The following CDRT4 variants were observed in gnomAD, a reference collection of about 807,000 sequenced individuals.
The protein encoded by CDRT4 is CMT1A duplicated region transcript 4.
For synonymous variants in CDRT4, 64 were observed against 69.6 expected, an observed-to-expected ratio of 0.92 and a Z score of 0.40; for missense variants, 167 against 193.1, an observed-to-expected ratio of 0.87 and a Z score of 0.80.
rs1456363533 is a variant in CDRT4, at chr17:15,440,280, A to G, written c.-42T>C. The G allele has an allele frequency of 2.4e-5, 38 of 1,611,638 alleles. No homozygotes were observed. Among genetic ancestry groups the G allele is most frequent in the East Asian group, 4.5e-5 (2 of 44,862 alleles). The stretch of plus-strand genomic sequence containing the variant: ...ACTGATTTCTTAACATCACAGGTTC[A>G]GATTCCTATGGGAAAATACACTTGT... On this transcript the variant is annotated 5_prime_UTR_variant, in exon 3 of 4. An upstream open reading frame in the 5' UTR loses its in-frame stop. Transcript: ENST00000619038.
chr17:15,452,106 G>A (rs1979288585), intron 2 of CDRT4, among the ~76,000 whole-genome samples: 1 of 152,224 alleles, frequency 6.6e-6, no homozygotes, highest in South Asian at 2.1e-4. Context: ...GCCACTACTA[G>A]AGAAGGTAAA....
chr17:15,446,201 C>T (rs1202114597), intron 2 of CDRT4, among the ~76,000 whole-genome samples: 1 of 152,090 alleles, frequency 6.6e-6, no homozygotes, highest in African/African-American at 2.4e-5. Context: ...AGCACATGTG[C>T]TGACTCCCTG....
intron 1 of CDRT4, among the ~76,000 whole-genome samples, chr17:15,465,102 C>T (rs550531762): frequency 7.1e-6 from 1 of 141,688 alleles, no homozygotes; most frequent in Non-Finnish European, 1.5e-5. Context: ...AACACAGACA[C>T]ACACCAACAC....
chr17:15,443,003 G>A (rs1248599391), intron 2 of CDRT4, among the ~76,000 whole-genome samples: 3 of 152,132 alleles, frequency 2.0e-5, no homozygotes, highest in Admixed American at 6.5e-5. Context: ...GCGTTGAAGC[G>A]GCTTTCTTGT....
intron 2 of CDRT4, among the ~76,000 whole-genome samples, chr17:15,451,651 C>G (rs1373067219): frequency 6.6e-6 from 1 of 152,190 alleles, no homozygotes; most frequent in African/African-American, 2.4e-5. Flanking sequence ...ACCTCAGGGT[C>G]CTTCCCCAGC....
intron 1 of CDRT4, among the ~76,000 whole-genome samples, chr17:15,459,409 C>A (rs936561037): frequency 6.8e-6 from 1 of 147,826 alleles, no homozygotes; most frequent in Non-Finnish European, 1.5e-5. Context: ...TACAGCCAGG[C>A]TTCTCTATTG....
intron 1 of CDRT4, among the ~76,000 whole-genome samples, chr17:15,455,992 T>A (rs536273674): frequency 7.2e-4 from 110 of 152,274 alleles, no homozygotes; most frequent in Middle Eastern, 3.4e-3. Context: ...CACCAAGGGA[T>A]AACCAATAAA....
At chr17:15,466,337 C>T (rs1044105967) in intron 1 of CDRT4, among the ~76,000 whole-genome samples, 1 of 152,142 alleles carries the variant, frequency 6.6e-6, no homozygotes, top group Non-Finnish European at 1.5e-5. Flanking sequence ...GGGGTGGGAG[C>T]CTGGGCGCTG....
intron 2 of CDRT4, among the ~76,000 whole-genome samples, chr17:15,451,128 T>TG (rs1218717679): frequency 6.6e-6 from 1 of 152,174 alleles, no homozygotes; most frequent in Non-Finnish European, 1.5e-5. Flanking sequence ...AACTGAATCA[T>TG]GGGGGTGGGT....
rs941964028 is a variant in CDRT4, at chr17:15,436,538, C to T, written c.*1235G>A. On this transcript the variant is annotated 3_prime_UTR_variant, in exon 4 of 4. Transcript: ENST00000619038. ...GGAGATGGAGAAGAGTTCAGCATAG[C>T]TCGCTTTGGGGCCAACTCAGAGCAA... 6.6e-6 allele frequency: 1 copy of T among 152,198 alleles called. No individual in the cohort carries two copies. The highest frequency in any genetic ancestry group is 6.5e-5 in the Admixed American group (1 of 15,274). 9.4% of individuals were successfully genotyped at this position (152,198 alleles called of 1,614,324 possible). A position where few individuals can be genotyped will look rare whatever the true frequency, so the allele number is the denominator to read the frequency against.
At chr17:15,439,415 C>T (rs531134441) in intron 3 of CDRT4, among the ~76,000 whole-genome samples, 47 of 152,294 alleles carry the variant, frequency 3.1e-4, no homozygotes, top group South Asian at 1.7e-3. Context: ...AGAAGGATTC[C>T]ATCTCCCTGT....
At position 15,438,060 on chromosome 17, in the gene CDRT4, G is replaced by A. The variant is rs765484995; in HGVS notation, c.172C>T (p.Leu58Phe). The A allele has an allele frequency of 4.3e-6, 7 of 1,614,140 alleles. No homozygotes were observed. The highest frequency in any genetic ancestry group is 5.9e-6 in the Non-Finnish European group (7 of 1,180,022). ...KTRELECMRA[L>F]EERPWASRQN... is the part of the protein sequence containing the mutation. Reference sequence around the variant, plus strand: ...CTTGATGCCCAGGGTCTTTCCTCGAGGGCACGCATGCATTCCAGTTCTCTA... The same window carrying A: ...CTTGATGCCCAGGGTCTTTCCTCGAAGGCACGCATGCATTCCAGTTCTCTA... Residue 58 changes from leucine to phenylalanine, a missense_variant, in exon 4 of 4, where the codon CTC becomes TTC. By Grantham distance (22) the Leu-to-Phe change is conservative. Coordinates refer to ENST00000619038, the MANE Select transcript of CDRT4 (RefSeq NM_001204477.2).
chr17:15,465,302 C>T (rs1016726896), intron 1 of CDRT4, among the ~76,000 whole-genome samples: 1 of 146,264 alleles, frequency 6.8e-6, no homozygotes, highest in Non-Finnish European at 1.5e-5. Context: ...ACCAGACACA[C>T]CAACACACAG....
At chr17:15,453,811 C>A (rs780749782) in intron 1 of CDRT4, among the ~76,000 whole-genome samples, 13 of 152,102 alleles carry the variant, frequency 8.5e-5, no homozygotes, top group Non-Finnish European at 1.6e-4. Context: ...GAACAAGGAA[C>A]AAGACAGTTA....
chr17:15,450,266 A>C lies in CDRT4; in HGVS notation c.-48+2738T>G, dbSNP rs1476801200. On this transcript the variant is annotated intron_variant, in intron 2 of 3. Transcript: ENST00000619038. The surrounding 1 kb of genome is among the most constrained non-coding windows in gnomAD (Gnocchi z 4.2). ...GGCTTTGAGAAAAATCCAAGAATCC[A>C]TCAAGAACTCCCTCATCTCCCACCA... 6.6e-6 allele frequency among the ~76,000 whole-genome samples: 1 copy of C among 152,118 alleles called. No homozygotes were observed. Among genetic ancestry groups the C allele is most frequent in the Non-Finnish European group, 1.5e-5 (1 of 68,020 alleles).
intron 1 of CDRT4, among the ~76,000 whole-genome samples, chr17:15,461,208 G>A (rs1979732864): frequency 6.6e-6 from 1 of 151,768 alleles, no homozygotes; most frequent in Admixed American, 6.5e-5. Flanking sequence ...TCCATGAAAG[G>A]AAGGAACTGT....
At chr17:15,449,546 T>A (rs939029545) in intron 2 of CDRT4, among the ~76,000 whole-genome samples, 3 of 152,126 alleles carry the variant, frequency 2.0e-5, no homozygotes, top group African/African-American at 7.2e-5. Flanking sequence ...CCCAAGCAAC[T>A]CTTTCTTTTT....
In CDRT4 at chr17:15,464,897, C is replaced by T. The variant is rs1979923461; in HGVS notation, c.-130+2563G>A. On this transcript the variant is annotated intron_variant, in intron 1 of 3. Coordinates refer to ENST00000619038, the MANE Select transcript of CDRT4 (RefSeq NM_001204477.2). This position sits in a 1 kb window ranked among gnomAD's most constrained non-coding sequence, Gnocchi z 4.5. ...AGGGATACGGGAACAGAGGCACAGA[C>T]ATCAAGCAGGGTTCAAGAAAGTGCA... Among the ~76,000 whole-genome samples the T allele has an allele frequency of 6.6e-6, 1 of 152,134 alleles. No homozygotes were observed. Among genetic ancestry groups the T allele is most frequent in the Non-Finnish European group, 1.5e-5 (1 of 68,030 alleles).
intron 1 of CDRT4, among the ~76,000 whole-genome samples, chr17:15,458,643 C>T (rs1449684647): frequency 1.3e-5 from 2 of 152,168 alleles, no homozygotes; most frequent in African/African-American, 4.8e-5. Flanking sequence ...GTGACAGCCA[C>T]GGTGTTCACC....
Sources: allele counts gnomAD v4.1 joint callset (sites outside exome capture counted in the v4.1 genomes callset), GRCh38; gene constraint gnomAD v4.1.1; non-coding constraint Gnocchi (gnomAD v3.1); transcripts MANE v1.5; gene names NCBI Gene and HGNC (gene_info 2026-07-23, HGNC 2026-07-21).